Variants in SMARCC1 observed in about 807,000 individuals in gnomAD.
SMARCC1 encodes the protein SWI/SNF related BAF chromatin remodeling complex subunit C1.
In SMARCC1, 43 loss-of-function variants were observed where a neutral mutation model predicts 147.4. The ratio of observed to expected loss-of-function variants is 0.29; its 90% CI spans 0.23 to 0.38. The LOEUF is 0.38. Among genes scored for constraint, SMARCC1 ranks in the 10% least tolerant of loss-of-function variants. The pLI is 1.00. For synonymous variants in SMARCC1, 495 were observed against 484.4 expected, an observed-to-expected ratio of 1.02 and a Z score of -0.29; for missense variants, 1,119 against 1,381.1, an observed-to-expected ratio of 0.81 and a Z score of 3.01.
intron 25 of SMARCC1, chr3:47,610,573 T>G: frequency 3.8e-6 from 2 of 524,626 alleles, no homozygotes; most frequent in East Asian, 3.5e-5. Context: ...CCTTGCAATC[T>G]TCCCGCAGTA....
At chr3:47,706,309 TG>T (rs2106793153) in intron 10 of SMARCC1, 99 bp downstream of exon 10, 2 of 1,139,386 alleles carry the variant, frequency 1.8e-6, no homozygotes, top group South Asian at 2.6e-5. Flanking sequence ...TGACCTCAGT[TG>T]ATCTGCCCAC....
At chr3:47,644,627 C>A (rs2033094645) in intron 21 of SMARCC1, among the ~76,000 whole-genome samples, 1 of 152,214 alleles carries the variant, frequency 6.6e-6, no homozygotes, top group Non-Finnish European at 1.5e-5. Context: ...CGTGCCTCAG[C>A]CTCCTGAGTA....
At chr3:47,642,328 A>G (rs1026096861) in intron 21 of SMARCC1, among the ~76,000 whole-genome samples, 1 of 152,178 alleles carries the variant, frequency 6.6e-6, no homozygotes, top group Admixed American at 6.6e-5. Context: ...AGTGGCTCGG[A>G]CCTGTAATCC....
intron 13 of SMARCC1, 23 bp from the exon 14 acceptor site, chr3:47,686,193 CAAAG>C (rs752798124): frequency 4.4e-6 from 7 of 1,599,024 alleles, no homozygotes; most frequent in East Asian, 2.2e-5. Context: ...AGACAAAGTT[CAAAG>C]AAAGAAAGAA....
Position 47,778,863 on chromosome 3 carries a change from C to T in SMARCC1, c.195+2740G>A, listed in dbSNP as rs115576410. 2.0e-3 allele frequency among the ~76,000 whole-genome samples: 310 copies of T among 151,908 alleles called. 2 individuals are homozygous for T. Among genetic ancestry groups the T allele is most frequent in the Admixed American group, 3.8e-3 (58 of 15,218 alleles). ...ATTAACCAGGTGTGGTGGTTCGTGC[C>T]TGTAGTCCCAGGTACTCAGGAGGCT... On this transcript the variant is annotated intron_variant, in intron 1 of 27. Coordinates refer to ENST00000254480, the MANE Select transcript of SMARCC1 (RefSeq NM_003074.4).
chr3:47,602,058 T>C (rs1236567335), intron 26 of SMARCC1, among the ~76,000 whole-genome samples: 1 of 152,046 alleles, frequency 6.6e-6, no homozygotes, highest in Non-Finnish European at 1.5e-5. Flanking sequence ...TAGAAAGTGG[T>C]GATTGGTTGT....
intron 19 of SMARCC1, among the ~76,000 whole-genome samples, chr3:47,668,613 G>A (rs936009981): frequency 7.9e-5 from 12 of 152,100 alleles, no homozygotes; most frequent in African/African-American, 2.9e-4. Context: ...AAAATCAAAG[G>A]GGTGTGCTCA....
intron 5 of SMARCC1, among the ~76,000 whole-genome samples, chr3:47,733,707 C>T (rs2034404061): frequency 6.6e-6 from 1 of 151,402 alleles, no homozygotes; most frequent in African/African-American, 2.4e-5. Flanking sequence ...ACTAAAAATA[C>T]AAAAAAATTA....
intron 22 of SMARCC1, among the ~76,000 whole-genome samples, chr3:47,638,368 C>T (rs1187715705): frequency 2.6e-5 from 4 of 152,164 alleles, no homozygotes; most frequent in Admixed American, 6.5e-5. Context: ...GCTGGAATTA[C>T]GGCGTGAGCC....
chr3:47,608,862 A>AAC lies in SMARCC1; in HGVS notation c.3043+1203_3043+1204insGT, dbSNP rs545681282. ...AGACAGTGTCTTTAAAAAAAAAAAAAAAAAAAAAAAAAGTGTGAATTTGAA... is the reference window on the plus strand; with the variant it reads ...AGACAGTGTCTTTAAAAAAAAAAAAAACAAAAAAAAAAAAGTGTGAATTTGAA... On this transcript the variant is annotated intron_variant, in intron 26 of 27. Coordinates refer to ENST00000254480, the MANE Select transcript of SMARCC1 (RefSeq NM_003074.4). Among the ~76,000 whole-genome samples the AAC allele has an allele frequency of 1.9e-4, 28 of 151,166 alleles. No homozygotes were observed. The South Asian group carries it at 5.5e-3, about 30-fold the overall frequency.
intron 21 of SMARCC1, among the ~76,000 whole-genome samples, chr3:47,651,696 A>C (rs913423941): frequency 6.6e-6 from 1 of 152,168 alleles, no homozygotes; most frequent in Admixed American, 6.5e-5. Flanking sequence ...TTTGCTTTTC[A>C]CCATAGCACA....
intron 26 of SMARCC1, 92 bp downstream of exon 26, chr3:47,609,974 C>CA (rs2032539044): frequency 1.4e-6 from 2 of 1,400,824 alleles, no homozygotes; most frequent in Admixed American, 4.0e-5. Flanking sequence ...CAGTCTTCAT[C>CA]AGAAAACACC....
intron 5 of SMARCC1, among the ~76,000 whole-genome samples, chr3:47,734,678 C>T (rs1576426023): frequency 6.6e-6 from 1 of 152,306 alleles, no homozygotes; most frequent in Non-Finnish European, 1.5e-5. Context: ...TACCCAAAGT[C>T]TCAGCCTAAA....
chr3:47,591,197 A>T (rs183323894), intron 26 of SMARCC1, among the ~76,000 whole-genome samples: 171 of 152,342 alleles, frequency 1.1e-3, no homozygotes, highest in Non-Finnish European at 2.2e-3. Flanking sequence ...CACAGCCCAC[A>T]GGGAATGAAG....
intron 24 of SMARCC1, among the ~76,000 whole-genome samples, chr3:47,623,728 A>G (rs1436860644): frequency 6.6e-6 from 1 of 152,222 alleles, no homozygotes; most frequent in East Asian, 1.9e-4. Flanking sequence ...AAAGTTACAA[A>G]GAGGTATAAA....
At chr3:47,772,414 C>T (rs1193686992) in intron 2 of SMARCC1, among the ~76,000 whole-genome samples, 1 of 152,100 alleles carries the variant, frequency 6.6e-6, no homozygotes, top group Non-Finnish European at 1.5e-5. Context: ...ATAAAACACA[C>T]AATTGCAAGG....
intron 7 of SMARCC1, among the ~76,000 whole-genome samples, chr3:47,716,430 A>C (rs1261322754): frequency 2.6e-5 from 4 of 151,320 alleles, no homozygotes; most frequent in African/African-American, 9.7e-5. Context: ...AAAAAAAAAA[A>C]AAAAAAAAAC....
chr3:47,777,379 G>A (rs530852292), intron 1 of SMARCC1, among the ~76,000 whole-genome samples: 10 of 151,120 alleles, frequency 6.6e-5, no homozygotes, highest in East Asian at 4.0e-4. Context: ...CACCATGCCC[G>A]GCCTATATTT....
chr3:47,735,361 C>G (rs184940107), intron 5 of SMARCC1, among the ~76,000 whole-genome samples: 3 of 152,136 alleles, frequency 2.0e-5, no homozygotes, highest in Admixed American at 2.0e-4. Context: ...TTTAAGAACT[C>G]AAAAAGAGGC....
Sources: allele counts gnomAD v4.1 joint callset (sites outside exome capture counted in the v4.1 genomes callset), GRCh38; gene constraint gnomAD v4.1.1; transcripts MANE v1.5; gene names NCBI Gene and HGNC (gene_info 2026-07-23, HGNC 2026-07-21).